The following TBC1D22A variants were observed in gnomAD, a reference collection of about 807,000 sequenced individuals.
The protein encoded by TBC1D22A is TBC1 domain family member 22A.
Under a neutral mutation model 60.2 loss-of-function variants are expected in TBC1D22A, and 38 were observed. The ratio of observed to expected loss-of-function variants is 0.63; its 90% CI spans 0.49 to 0.83. The LOEUF is 0.83. TBC1D22A is among the 40% of genes least tolerant of loss of function. The pLI is 0.00. For synonymous variants in TBC1D22A, 302 were observed against 281.7 expected (o/e 1.07, Z -0.72); for missense variants, 628 against 701.0 (o/e 0.90, Z 1.18).
intron 12 of TBC1D22A, among the ~76,000 whole-genome samples, chr22:47,134,869 G>T (rs1358615566): frequency 6.6e-6 from 1 of 152,212 alleles, no homozygotes; most frequent in African/African-American, 2.4e-5. Context: ...GCCTGGCAGG[G>T]CATGTTGCAC....
intron 10 of TBC1D22A, among the ~76,000 whole-genome samples, chr22:47,004,166 AC>A (rs545694448): frequency 1.2e-4 from 17 of 140,230 alleles, no homozygotes; most frequent in South Asian, 4.6e-4. Context: ...CTATACACAC[AC>A]CCCTGCACAC....
chr22:47,173,015 G>A (rs1391584053), intron 12 of TBC1D22A, among the ~76,000 whole-genome samples: 6 of 152,248 alleles, frequency 3.9e-5, no homozygotes, highest in South Asian at 2.1e-4. Context: ...GGGGTGCTGC[G>A]GTACTTCCTG....
intron 10 of TBC1D22A, among the ~76,000 whole-genome samples, chr22:47,000,309 C>T (rs2075270331): frequency 6.6e-6 from 1 of 152,014 alleles, no homozygotes; most frequent in African/African-American, 2.4e-5. Flanking sequence ...GGAGGGAAGC[C>T]TGGTGAGGGG....
chr22:47,050,726 C>T (rs1034308712), intron 11 of TBC1D22A, among the ~76,000 whole-genome samples: 7 of 127,652 alleles, frequency 5.5e-5, no homozygotes, highest in South Asian at 2.7e-4. Context: ...GGCGGGGGCT[C>T]GGGAAGGGTC....
chr22:46,841,372 C>A (rs2086764570), intron 4 of TBC1D22A, among the ~76,000 whole-genome samples: 1 of 152,232 alleles, frequency 6.6e-6, no homozygotes, highest in South Asian at 2.1e-4. Flanking sequence ...TTGTCAGACA[C>A]CTAACCTGCC....
chr22:47,152,704 C>G (rs1357753242), intron 12 of TBC1D22A, among the ~76,000 whole-genome samples: 1 of 152,228 alleles, frequency 6.6e-6, no homozygotes, highest in Non-Finnish European at 1.5e-5. Context: ...TCTCATTTAA[C>G]TCTCGTGATG....
Position 46,952,020 on chromosome 22 carries a change from A to G in TBC1D22A, c.1016-22270A>G, listed in dbSNP as rs138849110. Among the ~76,000 whole-genome samples the G allele has an allele frequency of 5.2e-3, 790 of 152,324 alleles. 9 individuals are homozygous for G. The highest frequency in any genetic ancestry group is 0.018 in the African/African-American group (754 of 41,570). On this transcript the variant is annotated intron_variant, in intron 8 of 12. Transcript: ENST00000337137. Reference sequence around the variant, plus strand: ...CTGTTTGTTACGAGTTTTGTAAATAAGATGTATCCTGCTGAGCCCCACAGC... The same window carrying G: ...CTGTTTGTTACGAGTTTTGTAAATAGGATGTATCCTGCTGAGCCCCACAGC...
At chr22:46,909,204 T>C (rs1229653681) in intron 7 of TBC1D22A, among the ~76,000 whole-genome samples, 4 of 152,156 alleles carry the variant, frequency 2.6e-5, no homozygotes, top group East Asian at 1.9e-4. Flanking sequence ...TGTGTGTGTG[T>C]GTGCGTGCAT....
chr22:46,857,793 C>T (rs1041331834), intron 4 of TBC1D22A, among the ~76,000 whole-genome samples: 3 of 152,162 alleles, frequency 2.0e-5, no homozygotes, highest in African/African-American at 7.2e-5. Flanking sequence ...AAGGCTCATC[C>T]GGGTTGGAGC....
rs1386197711 is a variant in TBC1D22A, at chr22:47,009,567, C to T, written c.1201+11858C>T. ...CATCATCACCATCATTACGTCATCACCAGCATCATCATCACCATCACCATC... is the reference window on the plus strand; with the variant it reads ...CATCATCACCATCATTACGTCATCATCAGCATCATCATCACCATCACCATC... On this transcript the variant is annotated intron_variant, in intron 10 of 12. Coordinates refer to ENST00000337137, the MANE Select transcript of TBC1D22A (RefSeq NM_014346.5). The surrounding 1 kb of genome is among the most constrained non-coding windows in gnomAD (Gnocchi z 5.8). Among the ~76,000 whole-genome samples, 1 of 151,782 alleles carries T rather than the reference C, an allele frequency of 6.6e-6. No individual in the cohort carries two copies. Among genetic ancestry groups the T allele is most frequent in the African/African-American group, 2.4e-5 (1 of 41,310 alleles).
intron 11 of TBC1D22A, among the ~76,000 whole-genome samples, chr22:47,055,918 T>TGAGATACGCCACTGAGGGTC (rs1569397910): frequency 4.8e-5 from 4 of 83,912 alleles, no homozygotes; most frequent in East Asian, 1.8e-3. Flanking sequence ...CACTGAGGGT[T>TGAGATACGCCACTGAGGGTC]GGTGAGATAC....
At chr22:46,928,809 C>T (rs5767417) in intron 8 of TBC1D22A, among the ~76,000 whole-genome samples, 117,458 of 152,108 alleles carry the variant, frequency 0.77, 45,484 homozygotes, top group Middle Eastern at 0.85. Flanking sequence ...AAAGATGGCC[C>T]ACATCATTAA....
At chr22:47,083,676 G>T (rs186720681) in intron 11 of TBC1D22A, among the ~76,000 whole-genome samples, 4 of 152,150 alleles carry the variant, frequency 2.6e-5, no homozygotes, top group African/African-American at 9.7e-5. Flanking sequence ...TTGGCAGACC[G>T]TTTGCTTAAG....
At chr22:46,913,816 G>A (rs1569214356) in intron 8 of TBC1D22A, 1 of 956,488 alleles carries the variant, frequency 1.0e-6, no homozygotes, top group Non-Finnish European at 1.2e-6. Flanking sequence ...TCTGTTGTAA[G>A]ACCTAAGCGA....
At chr22:47,162,178 C>T (rs927830496) in intron 12 of TBC1D22A, among the ~76,000 whole-genome samples, 34 of 150,382 alleles carry the variant, frequency 2.3e-4, no homozygotes, top group South Asian at 6.3e-4. Flanking sequence ...TGAGAGCTAC[C>T]GGGTGTTAGT....
At chr22:47,039,972 TCTCA>T (rs1354060685) in intron 11 of TBC1D22A, among the ~76,000 whole-genome samples, 5 of 122,676 alleles carry the variant, frequency 4.1e-5, no homozygotes, top group African/African-American at 9.6e-5. Context: ...TGAGACAGAG[TCTCA>T]CTCTGTTGTC....
chr22:47,122,765 G>A (rs954919064), intron 12 of TBC1D22A, among the ~76,000 whole-genome samples: 15 of 152,330 alleles, frequency 9.8e-5, no homozygotes, highest in East Asian at 7.7e-4. Flanking sequence ...CAGAAGCAGC[G>A]GCGAGGCATC....
chr22:46,790,454 T>G (rs2084358396), intron 1 of TBC1D22A, among the ~76,000 whole-genome samples: 1 of 152,240 alleles, frequency 6.6e-6, no homozygotes, highest in Admixed American at 6.5e-5. Flanking sequence ...TCACAGGTTC[T>G]GGGCATTAGG....
intron 8 of TBC1D22A, among the ~76,000 whole-genome samples, chr22:46,973,949 T>A (rs1342042752): frequency 6.6e-6 from 1 of 152,240 alleles, no homozygotes; most frequent in East Asian, 1.9e-4. Context: ...TTTCAAAATC[T>A]TAGGAAAAAA....
Sources: gnomAD v4.1 joint callset for allele counts (sites outside exome capture counted in the v4.1 genomes callset) on GRCh38, gnomAD v4.1.1 for gene constraint, Gnocchi (gnomAD v3.1) non-coding constraint, MANE v1.5 for transcripts, NCBI Gene and HGNC (gene_info 2026-07-23, HGNC 2026-07-21) for gene names.